EXT2: variants seen among roughly 807,000 people sequenced by gnomAD.
EXT2 encodes the protein exostosin glycosyltransferase 2.
In EXT2, 53 loss-of-function variants were observed where a neutral mutation model predicts 81.6. The ratio of observed to expected loss-of-function variants is 0.65; its 90% CI spans 0.52 to 0.82. The LOEUF (loss-of-function observed/expected upper bound fraction) is 0.82. EXT2 is among the 40% of genes least tolerant of loss of function. The probability of loss-of-function intolerance (pLI) is 0.00; values close to 1 mark genes in which losing one functional copy is unlikely to be tolerated. For synonymous variants in EXT2, 320 were observed against 340.0 expected (o/e 0.94, Z 0.65); for missense variants, 774 against 910.2 (o/e 0.85, Z 1.93).
At chr11:44,194,284 C>T (rs555896254) in intron 8 of EXT2, among the ~76,000 whole-genome samples, 46 of 152,170 alleles carry the variant, frequency 3.0e-4, no homozygotes, top group Admixed American at 1.5e-3. Flanking sequence ...GTTATATATT[C>T]GGTGTGTTTT....
At chr11:44,211,765 A>G (rs897025574) in intron 10 of EXT2, among the ~76,000 whole-genome samples, 2 of 152,232 alleles carry the variant, frequency 1.3e-5, no homozygotes, top group Non-Finnish European at 2.9e-5. Flanking sequence ...AGAAGAGTGG[A>G]TTTTAAATGT....
intron 7 of EXT2, among the ~76,000 whole-genome samples, chr11:44,164,925 C>G (rs1330467656): frequency 6.7e-6 from 1 of 148,212 alleles, no homozygotes; most frequent in African/African-American, 2.5e-5. Flanking sequence ...GTCGCCCAGG[C>G]TGGAGTGCAG....
chr11:44,244,093 C>T, intron 13 of EXT2, 56 bp from the exon 14 acceptor site: 1 of 1,499,946 alleles, frequency 6.7e-7, no homozygotes, highest in Non-Finnish European at 9.3e-7. Flanking sequence ...TCCCTGCCCC[C>T]ATCCTTCTCA....
chr11:44,100,533 G>A (rs4755227), intron 1 of EXT2, among the ~76,000 whole-genome samples: 2 of 151,870 alleles, frequency 1.3e-5, no homozygotes, highest in African/African-American at 4.8e-5. Flanking sequence ...ATGATAAGGA[G>A]AGTGGAGTTG....
intron 1 of EXT2, among the ~76,000 whole-genome samples, chr11:44,104,207 G>A (rs1954023398): frequency 6.6e-6 from 1 of 151,992 alleles, no homozygotes; most frequent in African/African-American, 2.4e-5. Flanking sequence ...AGTAGGTTAT[G>A]GCCAGAATTT....
At chr11:44,140,290 C>T (rs545899421) in intron 7 of EXT2, among the ~76,000 whole-genome samples, 2 of 152,290 alleles carry the variant, frequency 1.3e-5, no homozygotes, top group East Asian at 1.9e-4. Context: ...TCACTGTTAT[C>T]GAATTTAAAG....
At chr11:44,162,575 CAAAAAAAAAAA>C (rs746211630) in intron 7 of EXT2, among the ~76,000 whole-genome samples, 1 of 45,878 alleles carries the variant, frequency 2.2e-5, no homozygotes, top group Non-Finnish European at 4.8e-5. Context: ...GACTCCATCT[CAAAAAAAAAAA>C]AAAAAAAAAA....
At chr11:44,238,490 T>G (rs961368098) in intron 13 of EXT2, among the ~76,000 whole-genome samples, 4 of 152,102 alleles carry the variant, frequency 2.6e-5, no homozygotes, top group Non-Finnish European at 4.4e-5. Flanking sequence ...ATATGTAGGA[T>G]GTATAGTTAG....
At chr11:44,229,705 T>C (rs1341218683) in intron 10 of EXT2, among the ~76,000 whole-genome samples, 1 of 152,232 alleles carries the variant, frequency 6.6e-6, no homozygotes, top group Non-Finnish European at 1.5e-5. Flanking sequence ...TATCACGTTA[T>C]TATTCATGGT....
intron 10 of EXT2, among the ~76,000 whole-genome samples, chr11:44,209,873 G>C (rs1459046211): frequency 6.6e-6 from 1 of 152,192 alleles, no homozygotes. Context: ...AAGCACCAAA[G>C]GGCAGGAACC....
chr11:44,191,432 A>G (rs1323459703), intron 8 of EXT2, among the ~76,000 whole-genome samples: 1 of 152,266 alleles, frequency 6.6e-6, no homozygotes, highest in African/African-American at 2.4e-5. Flanking sequence ...TAGCTGCGAT[A>G]GATGAGCTTT....
At chr11:44,173,441 A>G (rs1328695452) in intron 8 of EXT2, among the ~76,000 whole-genome samples, 4 of 151,628 alleles carry the variant, frequency 2.6e-5, no homozygotes, top group African/African-American at 7.3e-5. Context: ...TTTATTCCAT[A>G]TAGGTCTCCT....
chr11:44,127,705 T>TA (rs1273660860), intron 6 of EXT2, among the ~76,000 whole-genome samples: 1 of 151,992 alleles, frequency 6.6e-6, no homozygotes, highest in African/African-American at 2.4e-5. Flanking sequence ...CTGGAGAGCT[T>TA]AAAAAAAATG....
intron 10 of EXT2, among the ~76,000 whole-genome samples, chr11:44,208,636 T>C (rs1955611456): frequency 1.3e-5 from 2 of 152,254 alleles, no homozygotes; most frequent in African/African-American, 4.8e-5. Context: ...ACAACTTTGA[T>C]AACAACCTTG....
intron 8 of EXT2, among the ~76,000 whole-genome samples, chr11:44,172,835 A>G (rs992121804): frequency 6.6e-6 from 1 of 152,048 alleles, no homozygotes; most frequent in African/African-American, 2.4e-5. Context: ...TGTCCTCCCA[A>G]AGTGCTGGGA....
chr11:44,117,781 G>A (rs113353078), intron 4 of EXT2, among the ~76,000 whole-genome samples: 40 of 152,196 alleles, frequency 2.6e-4, no homozygotes, highest in African/African-American at 9.2e-4. Flanking sequence ...TTTAAGAGAC[G>A]AGGTCTCGCT....
At chr11:44,184,489 C>T (rs1205050984) in intron 8 of EXT2, among the ~76,000 whole-genome samples, 3 of 152,118 alleles carry the variant, frequency 2.0e-5, no homozygotes, top group Non-Finnish European at 2.9e-5. Flanking sequence ...CGGTGGCTCA[C>T]GCCTATAATC....
chr11:44,109,359 C>G (rs772167319), intron 3 of EXT2, 76 bp downstream of exon 3: 41 of 1,188,548 alleles, frequency 3.4e-5, no homozygotes, highest in African/African-American at 6.0e-5. Flanking sequence ...ATTCCTAAAT[C>G]TACCACATAC....
At chr11:44,199,778 AGC>A (rs1326118181) in intron 9 of EXT2, among the ~76,000 whole-genome samples, 1 of 152,230 alleles carries the variant, frequency 6.6e-6, no homozygotes, top group East Asian at 1.9e-4. Context: ...TAAAGGCAGT[AGC>A]AGGAGCCCAG....
Sources: gnomAD v4.1 joint callset for allele counts (sites outside exome capture counted in the v4.1 genomes callset) on GRCh38, gnomAD v4.1.1 for gene constraint, MANE v1.5 for transcripts, NCBI Gene and HGNC (gene_info 2026-07-23, HGNC 2026-07-21) for gene names.